The following CCDC78 variants were observed in gnomAD, a reference collection of about 807,000 sequenced individuals.
The protein encoded by CCDC78 is coiled-coil domain containing 78.
Under a neutral mutation model 61.9 loss-of-function variants are expected in CCDC78, and 78 were observed. That is an observed-to-expected ratio of 1.26 (90% CI 1.05 to 1.52). The LOEUF (loss-of-function observed/expected upper bound fraction) is 1.52. Among genes scored for constraint, CCDC78 ranks in the 40% most tolerant of loss-of-function variants. The probability of loss-of-function intolerance (pLI) is 0.00; values close to 1 mark genes in which losing one functional copy is unlikely to be tolerated. For synonymous variants in CCDC78, 287 were observed against 251.9 expected (o/e 1.14, Z -1.32); for missense variants, 737 against 615.5 (o/e 1.20, Z -2.09).
rs1014786972 is a variant in CCDC78 at position 724,521 on chromosome 16, G to A, written c.766-12C>T. 9 of 1,589,944 alleles carry A rather than the reference G, an allele frequency of 5.7e-6. No individual in the cohort carries two copies. The highest frequency in any genetic ancestry group is 2.7e-5 in the African/African-American group (2 of 74,736). ...CCATCTGCGTGCTCCTGGAGGCGGC[G>A]GGCTGGGTCCGCATGGGGCCCACCC... On this transcript the variant is annotated splice_polypyrimidine_tract_variant and intron_variant, in intron 8 of 13. Coordinates refer to ENST00000345165, the MANE Select transcript of CCDC78 (RefSeq NM_001378030.1).
rs1374510953 is a variant in CCDC78, at chr16:724,508, T to C, written c.767A>G (p.Glu256Gly). The C allele has an allele frequency of 1.3e-6, 2 of 1,596,948 alleles. No individual in the cohort carries two copies. Among genetic ancestry groups the C allele is most frequent in the Admixed American group, 3.4e-5 (2 of 59,692 alleles). ...RLQHCAWQAV[E>G]HADGAGQAPA... ...CGCTTGGCCTGCACCATCTGCGTGC[T>C]CCTGGAGGCGGCGGGCTGGGTCCGC... is the stretch of plus-strand genomic sequence containing the variant. Residue 256 changes from glutamate (E) to glycine (G), a missense_variant and splice_region_variant, in exon 9 of 14, where the codon GAG becomes GGG. Transcript: ENST00000345165.
chr16:723,703 G>T, intron 11 of CCDC78, 154 bp downstream of exon 11: 2 of 733,098 alleles, frequency 2.7e-6, no homozygotes, highest in Non-Finnish European at 4.9e-6. Context: ...ACCCACGGAG[G>T]GACCCCAGGG....
In CCDC78 at chr16:724,726, C is replaced by T. The variant is rs1459965445; in HGVS notation, c.720G>A (p.Lys240=). The change falls in exon 8 of 14, where the codon AAG becomes AAA. Residue 240 remains lysine (K), a synonymous_variant. Coordinates refer to ENST00000345165, the MANE Select transcript of CCDC78 (RefSeq NM_001378030.1). The stretch of plus-strand genomic sequence containing the variant: ...GTTGCAGCCGTAGGACGTACTCATC[C>T]TTCAGTTTCTTGAGCTGCAGCTGCA... The part of the protein sequence containing the change: ...ARLQLQLKKL[K]DEYVLRLQHC... 9 of 1,612,172 alleles carry T rather than the reference C, an allele frequency of 5.6e-6. No individual in the cohort carries two copies. Among genetic ancestry groups the T allele is most frequent in the Admixed American group, 1.7e-5 (1 of 59,992 alleles).
chr16:722,608 T>TG lies in CCDC78; in HGVS notation c.*69dup. Reference sequence around the variant, plus strand: ...GGGTTCTATCCTGACTCATGTTTTATGGGGGGCTGGGTGGGAGGGTTCTGT... The same window carrying TG: ...GGGTTCTATCCTGACTCATGTTTTATGGGGGGGCTGGGTGGGAGGGTTCTGT... On this transcript the variant is annotated 3_prime_UTR_variant, in exon 14 of 14. Coordinates refer to ENST00000345165, the MANE Select transcript of CCDC78 (RefSeq NM_001378030.1). 4.2e-6 allele frequency: 1 copy of TG among 240,364 alleles called. No individual in the cohort carries two copies. 14.9% of individuals were successfully genotyped at this position (240,364 alleles called of 1,614,324 possible). A position where few individuals can be genotyped will look rare whatever the true frequency, so the allele number is the denominator to read the frequency against.
rs1344069258 is a variant in CCDC78, at chr16:726,032, C to T, written c.114G>A (p.Val38=). ...WLPGAPGGTA[V]WATSLEAEVP... ...CCTCTGCTTCCAAGCTGGTGGCCCA[C>T]ACTGCGGTGCCCCCAGGAGCTCCTG... The change falls in exon 2 of 14, where the codon GTG becomes GTA. Residue 38 remains valine (V), a synonymous_variant. Transcript: ENST00000345165. 2 of 1,548,946 alleles carry T rather than the reference C, an allele frequency of 1.3e-6. No homozygotes were observed. The highest frequency in any genetic ancestry group is 3.9e-5 in the Admixed American group (2 of 50,988).
Position 725,560 on chromosome 16 carries a change from C to T in CCDC78, c.288G>A (p.Arg96=), listed in dbSNP as rs532009000. 6 of 1,609,852 alleles carry T rather than the reference C, an allele frequency of 3.7e-6. No homozygotes were observed. Among genetic ancestry groups the T allele is most frequent in the South Asian group, 1.1e-5 (1 of 90,966 alleles). Residue 96 remains arginine, a synonymous_variant, in exon 4 of 14, where the codon CGG becomes CGA. Transcript: ENST00000345165. ...CTCCTCGCAGCTCCAGCTCCAGTAC[C>T]CGGCTCTCCAGCCGAAGGATCTGTG... ...LKSEILRLES[R]VLELELRGDG... is the part of the protein sequence containing the mutation.
Position 724,806 on chromosome 16 carries a change from C to A in CCDC78, c.640G>T (p.Val214Leu). The A allele has an allele frequency of 6.2e-7, 1 of 1,612,050 alleles. No homozygotes were observed. The highest frequency in any genetic ancestry group is 8.5e-7 in the Non-Finnish European group (1 of 1,179,772). Residue 214 changes from valine (V) to leucine (L), a missense_variant and splice_region_variant, in exon 8 of 14, where the codon GTG (valine) becomes TTG (leucine). By Grantham distance (32) the Val-to-Leu change is conservative. Transcript: ENST00000345165. ...AGQRLATQAV[V>L]LCSCQGQLRQ... ...AGCTGGCCTTGGCAGCTGCACAGCACCTGGGGTGGAAGCAGCCCTCCACCT... is the reference window on the plus strand; with the variant it reads ...AGCTGGCCTTGGCAGCTGCACAGCAACTGGGGTGGAAGCAGCCCTCCACCT...
rs765738306 is a variant in CCDC78, at chr16:724,672, A to G, written c.765+9T>C. On this transcript the variant is annotated intron_variant, in intron 8 of 13. Coordinates refer to ENST00000345165, the MANE Select transcript of CCDC78 (RefSeq NM_001378030.1). ...TCCCTAGGCCTCAGGGTGCTCCTGC[A>G]GGGCTCACCACTGCCTGCCAGGCGC... 4 of 1,608,530 alleles carry G rather than the reference A, an allele frequency of 2.5e-6. No individual in the cohort carries two copies. In the Admixed American group the frequency reaches 6.7e-5, roughly 27 times the overall value.
chr16:723,948 T>A lies in CCDC78; in HGVS notation c.1054-12A>T. 6.2e-7 allele frequency: 1 copy of A among 1,602,968 alleles called. No homozygotes were observed. The highest frequency in any genetic ancestry group is 8.5e-7 in the Non-Finnish European group (1 of 1,174,474). ...CCAGGCCCGCCGTGCTACAGAGGTTTGTGGTGGGGACGTTTCAGTTGGCTG... is the reference window on the plus strand; with the variant it reads ...CCAGGCCCGCCGTGCTACAGAGGTTAGTGGTGGGGACGTTTCAGTTGGCTG... On this transcript the variant is annotated splice_polypyrimidine_tract_variant and intron_variant, in intron 10 of 13. Transcript: ENST00000345165.
In CCDC78 at chr16:724,411, A is replaced by C; in HGVS notation, c.864T>G (p.Arg288=). ...GGGCAGCCCGGGCCAGCTGCTGCTC[A>C]CGGCTGCGGTGCGCTGCCCGGATGT... ...LEDIRAAHRS[R]EQQLARAARS... Residue 288 remains arginine (R), a synonymous_variant, in exon 9 of 14, where the codon CGT becomes CGG. Transcript: ENST00000345165. The C allele has an allele frequency of 6.2e-7, 1 of 1,610,276 alleles. No individual in the cohort carries two copies.
At position 723,079 on chromosome 16, in the gene CCDC78, AGCCC is replaced by A; in HGVS notation, c.1200+12_1200+15del. ...CATGGCGTGAGGATGGGCCTGGGCC[AGCCC>A]TTGCCTCCTACCTGGGTGCTGCGGG... On this transcript the variant is annotated intron_variant, in intron 12 of 13. Coordinates refer to ENST00000345165, the MANE Select transcript of CCDC78 (RefSeq NM_001378030.1). 1 of 1,612,594 alleles carries A rather than the reference AGCCC, an allele frequency of 6.2e-7. No homozygotes were observed. The highest frequency in any genetic ancestry group is 1.3e-5 in the African/African-American group (1 of 74,950).
Position 724,021 on chromosome 16 carries a change from C to A in CCDC78, c.1053+85G>T, listed in dbSNP as rs1234790084. ...CCCGGGGCTGAGGTCTCTGTTGAGC[C>A]CAGGATGAGGCCTGGGGCCAGTGTG... is the stretch of plus-strand genomic sequence containing the variant. On this transcript the variant is annotated intron_variant, in intron 10 of 13. Coordinates refer to ENST00000345165, the MANE Select transcript of CCDC78 (RefSeq NM_001378030.1). The A allele has an allele frequency of 4.4e-6, 7 of 1,584,694 alleles. No homozygotes were observed. In the African/African-American group the frequency reaches 6.8e-5, roughly 15 times the overall value.
Position 725,932 on chromosome 16 carries a change from C to T in CCDC78, c.180+34G>A, listed in dbSNP as rs1162972744. On this transcript the variant is annotated intron_variant, in intron 2 of 13. Transcript: ENST00000345165. The stretch of plus-strand genomic sequence containing the variant: ...GTCTGTGGGCCCTGCTGGCACCCTC[C>T]CTCCTCACGAGCACGCTGGGGCCCC... 3.2e-6 allele frequency: 5 copies of T among 1,578,436 alleles called. No individual in the cohort carries two copies. In the South Asian group the frequency reaches 5.7e-5, roughly 18 times the overall value.
chr16:726,196 C>T (rs1472582617), intron 1 of CCDC78, 111 bp from the exon 2 acceptor site: 1 of 1,550,434 alleles, frequency 6.4e-7, no homozygotes, highest in Admixed American at 2.0e-5. Flanking sequence ...GTAAAAGTCC[C>T]TCTCCTGGCT....
Position 725,105 on chromosome 16 carries a change from G to T in CCDC78, c.533C>A (p.Ala178Asp). ...EVKWALEHQE[A>D]RQQALVTRVA... Reference sequence around the variant, plus strand: ...ACGCGTCACCAGTGCCTGCTGCCGGGCCTCCTGATGCTCCAGCGCCCACTT... The same window carrying T: ...ACGCGTCACCAGTGCCTGCTGCCGGTCCTCCTGATGCTCCAGCGCCCACTT... Residue 178 changes from alanine (A) to aspartate (D), a missense_variant, in exon 6 of 14, where the codon GCC (alanine) becomes GAC (aspartate). Ala to Asp is a moderately radical substitution (Grantham distance 126, BLOSUM62 -2). Coordinates refer to ENST00000345165, the MANE Select transcript of CCDC78 (RefSeq NM_001378030.1). 1.9e-6 allele frequency: 3 copies of T among 1,612,792 alleles called. No homozygotes were observed. The highest frequency in any genetic ancestry group is 2.5e-6 in the Non-Finnish European group (3 of 1,179,976).
chr16:726,571 G>A, upstream of CCDC78: 1 of 616,556 alleles, frequency 1.6e-6, no homozygotes, highest in Middle Eastern at 4.3e-4. Context: ...CCATGCCTCC[G>A]TTTCCCCATC....
In CCDC78 at chr16:726,102, A is replaced by G; in HGVS notation, c.61-17T>C. 1.9e-6 allele frequency: 3 copies of G among 1,549,050 alleles called. No individual in the cohort carries two copies. The highest frequency in any genetic ancestry group is 1.7e-6 in the Non-Finnish European group (2 of 1,146,596). On this transcript the variant is annotated splice_polypyrimidine_tract_variant and intron_variant, in intron 1 of 13. Coordinates refer to ENST00000345165, the MANE Select transcript of CCDC78 (RefSeq NM_001378030.1). ...TAGCACAACCTGGGGAGGTACCGCCACCCATTCCCCAGGTGGGTCCCAGGC... is the reference window on the plus strand; with the variant it reads ...TAGCACAACCTGGGGAGGTACCGCCGCCCATTCCCCAGGTGGGTCCCAGGC...
chr16:724,477 G>C lies in CCDC78; in HGVS notation c.798C>G (p.Ala266=). The stretch of plus-strand genomic sequence containing the variant: ...CCAGGAATGTCCGGAGGGCCGTGGT[G>C]GCTGGCGCTTGGCCTGCACCATCTG... ...EHADGAGQAP[A]TTALRTFLEA... Residue 266 remains alanine, a synonymous_variant, in exon 9 of 14, where the codon GCC becomes GCG. Coordinates refer to ENST00000345165, the MANE Select transcript of CCDC78 (RefSeq NM_001378030.1). The C allele has an allele frequency of 1.2e-6, 2 of 1,600,700 alleles. No individual in the cohort carries two copies. Among genetic ancestry groups the C allele is most frequent in the Non-Finnish European group, 1.7e-6 (2 of 1,179,652 alleles).
At chr16:725,390 G>C (rs2040789548) in intron 4 of CCDC78, 23 bp downstream of exon 4, 5 of 1,611,940 alleles carry the variant, frequency 3.1e-6, no homozygotes, top group Non-Finnish European at 4.2e-6. Context: ...TCCCAGCCAG[G>C]CTCTCCATAT....
Sources: allele counts gnomAD v4.1 joint callset, GRCh38; gene constraint gnomAD v4.1.1; transcripts MANE v1.5; gene names NCBI Gene and HGNC (gene_info 2026-07-23, HGNC 2026-07-21).